ASZ1: variants seen among roughly 807,000 people sequenced by gnomAD.
ASZ1 encodes the protein ankyrin repeat, SAM and basic leucine zipper domain containing 1.
Under a neutral mutation model 61.8 loss-of-function variants are expected in ASZ1, and 67 were observed. The ratio of observed to expected loss-of-function variants is 1.08; its 90% confidence interval spans 0.89 to 1.33. ASZ1 has a LOEUF of 1.33. Among genes scored for constraint, ASZ1 ranks in the 40% most tolerant of loss-of-function variants. The pLI is 0.00. For missense variants in ASZ1, 577 were observed against 554.5 expected (o/e 1.04, Z -0.41); for synonymous variants, 193 against 192.7 (o/e 1.00, Z -0.01).
intron 4 of ASZ1, among the ~76,000 whole-genome samples, chr7:117,392,696 G>A (rs551833794): frequency 7.4e-4 from 113 of 152,108 alleles, no homozygotes; most frequent in African/African-American, 2.6e-3. Flanking sequence ...TTAATTTGCC[G>A]ATAAATGAAT....
At chr7:117,415,771 C>CA (rs1265862260) in intron 4 of ASZ1, among the ~76,000 whole-genome samples, 1 of 151,768 alleles carries the variant, frequency 6.6e-6, no homozygotes, top group Non-Finnish European at 1.5e-5. Context: ...AAAACAACAA[C>CA]AAAAAAAGGT....
intron 11 of ASZ1, 114 bp downstream of exon 11, chr7:117,368,498 G>T: frequency 6.8e-7 from 1 of 1,468,306 alleles, no homozygotes; most frequent in South Asian, 1.5e-5. Flanking sequence ...TGATTTTGCA[G>T]AACAAACGAT....
chr7:117,414,466 A>T (rs1322891399), intron 4 of ASZ1, among the ~76,000 whole-genome samples: 1 of 152,186 alleles, frequency 6.6e-6, no homozygotes, highest in Admixed American at 6.5e-5. Context: ...AATGTTCACC[A>T]TCAAATGATA....
chr7:117,386,158 G>C (rs1352766049), intron 4 of ASZ1, among the ~76,000 whole-genome samples: 1 of 152,138 alleles, frequency 6.6e-6, no homozygotes, highest in Non-Finnish European at 1.5e-5. Flanking sequence ...ATATAGTAAT[G>C]AATGACACAA....
At chr7:117,379,168 T>TATATATAC (rs1161457624) in intron 10 of ASZ1, among the ~76,000 whole-genome samples, 85 of 69,686 alleles carry the variant, frequency 1.2e-3, no homozygotes, top group East Asian at 8.4e-3. Context: ...TATATATATA[T>TATATATAC]ACACACACAC....
At chr7:117,363,963 C>A (rs908088952) in intron 12 of ASZ1, among the ~76,000 whole-genome samples, 2 of 152,070 alleles carry the variant, frequency 1.3e-5, no homozygotes, top group Admixed American at 6.5e-5. Context: ...ATTAGTTTTA[C>A]ATTAAAAATA....
intron 10 of ASZ1, among the ~76,000 whole-genome samples, chr7:117,369,216 T>A (rs1467856102): frequency 6.6e-6 from 1 of 152,084 alleles, no homozygotes; most frequent in Admixed American, 6.6e-5. Flanking sequence ...AGTCTGTGGT[T>A]GAAGAAAAAG....
intron 4 of ASZ1, among the ~76,000 whole-genome samples, chr7:117,387,693 C>A (rs1236532800): frequency 6.6e-6 from 1 of 152,180 alleles, no homozygotes; most frequent in Non-Finnish European, 1.5e-5. Flanking sequence ...ACAACATCAT[C>A]TTTCTCTGAT....
intron 7 of ASZ1, 34 bp from the exon 8 acceptor site, chr7:117,382,178 C>A: frequency 7.8e-7 from 1 of 1,279,418 alleles, no homozygotes; most frequent in South Asian, 1.2e-5. Context: ...AATTTCAGAA[C>A]AGATTATAAA....
intron 4 of ASZ1, among the ~76,000 whole-genome samples, chr7:117,403,978 A>G (rs967940722): frequency 6.6e-6 from 1 of 152,160 alleles, no homozygotes; most frequent in Admixed American, 6.5e-5. Flanking sequence ...ACGCCTGACG[A>G]TCTGAGGTGA....
intron 4 of ASZ1, among the ~76,000 whole-genome samples, chr7:117,398,934 A>C (rs940333262): frequency 6.6e-6 from 1 of 152,176 alleles, no homozygotes; most frequent in Non-Finnish European, 1.5e-5. Flanking sequence ...TTATCCTTCA[A>C]AACTAAGTTT....
chr7:117,410,659 T>G (rs1796872683), intron 4 of ASZ1, among the ~76,000 whole-genome samples: 1 of 151,468 alleles, frequency 6.6e-6, no homozygotes, highest in African/African-American at 2.4e-5. Flanking sequence ...CAATAAATTA[T>G]AAACTCATAC....
Position 117,367,406 on chromosome 7 carries a change from A to G in ASZ1, c.1221T>C (p.Asn407=). 1 of 1,573,408 alleles carries G rather than the reference A, an allele frequency of 6.4e-7. No homozygotes were observed. The highest frequency in any genetic ancestry group is 8.6e-7 in the Non-Finnish European group (1 of 1,161,746). ...CCTTTTCACTCAAATCTTCAACATT[A>G]TTAACCAATTCTTCACAAACTGAAG... ...NFTSVCEELV[N]NVEDLSEKVC... is the part of the protein sequence containing the mutation. Residue 407 remains asparagine, a synonymous_variant, in exon 12 of 13, where the codon AAT becomes AAC. Transcript: ENST00000284629.
At chr7:117,396,315 C>T (rs1197674020) in intron 4 of ASZ1, among the ~76,000 whole-genome samples, 14 of 152,144 alleles carry the variant, frequency 9.2e-5, no homozygotes, top group Admixed American at 9.2e-4. Context: ...GTTCCCAAAA[C>T]AATGGTAAAA....
At chr7:117,422,213 T>C (rs774162337) in intron 3 of ASZ1, 24 bp downstream of exon 3, 6 of 1,604,740 alleles carry the variant, frequency 3.7e-6, no homozygotes, top group Non-Finnish European at 4.2e-6. Context: ...AGCATAATCA[T>C]TTAAGTTATC....
At chr7:117,379,885 G>A (rs1427175688) in intron 10 of ASZ1, 53 bp downstream of exon 10, 2 of 1,172,704 alleles carry the variant, frequency 1.7e-6, no homozygotes, top group Non-Finnish European at 1.2e-6. Context: ...AAACTAAAAA[G>A]AACAATTGGT....
chr7:117,388,788 GA>G (rs1796408426), intron 4 of ASZ1, among the ~76,000 whole-genome samples: 1 of 151,984 alleles, frequency 6.6e-6, no homozygotes, highest in African/African-American at 2.4e-5. Context: ...CTAGCCAGCG[GA>G]ACAAGACAAG....
At chr7:117,382,482 C>T (rs879369749) in intron 7 of ASZ1, among the ~76,000 whole-genome samples, 1 of 151,584 alleles carries the variant, frequency 6.6e-6, no homozygotes, top group Non-Finnish European at 1.5e-5. Flanking sequence ...TGCTTGAGCA[C>T]AGGTGTTTGA....
intron 10 of ASZ1, among the ~76,000 whole-genome samples, chr7:117,377,931 T>G (rs949912361): frequency 6.6e-6 from 1 of 151,768 alleles, no homozygotes; most frequent in Non-Finnish European, 1.5e-5. Context: ...AGCAATTCAA[T>G]GGGGGAGGAA....
Sources: gnomAD v4.1 joint callset for allele counts (sites outside exome capture counted in the v4.1 genomes callset) on GRCh38, gnomAD v4.1.1 for gene constraint, MANE v1.5 for transcripts, NCBI Gene and HGNC (gene_info 2026-07-23, HGNC 2026-07-21) for gene names.